Variants in RTN4 observed in about 807,000 individuals in gnomAD.
The protein encoded by RTN4 is reticulon 4, also known as reticulon-4.
A neutral mutation model predicts 90.4 loss-of-function variants in RTN4; 32 were observed. The ratio of observed to expected loss-of-function variants is 0.35; its 90% CI spans 0.27 to 0.48. The LOEUF (loss-of-function observed/expected upper bound fraction) is 0.48, where lower values mean the gene tolerates loss of function less well. RTN4 is among the 20% of genes least tolerant of loss of function. The pLI is 0.99. For synonymous variants in RTN4, 629 were observed against 552.5 expected (o/e 1.14, Z -1.94); for missense variants, 1,706 against 1,430.2 (o/e 1.19, Z -3.11).
intron 5 of RTN4, 64 bp downstream of exon 5, chr2:54,982,451 T>C (rs1251981364): frequency 3.6e-6 from 5 of 1,399,630 alleles, no homozygotes; most frequent in Non-Finnish European, 9.8e-7. Flanking sequence ...AACAGAATTT[T>C]ACACTCAACT....
At chr2:55,096,035 G>A (rs1363613885) in intron 1 of RTN4, among the ~76,000 whole-genome samples, 1 of 152,132 alleles carries the variant, frequency 6.6e-6, no homozygotes, top group African/African-American at 2.4e-5. Context: ...CACCATATAA[G>A]AGCGCATGCT....
At chr2:55,041,076 C>T (rs1198222535) in intron 1 of RTN4, among the ~76,000 whole-genome samples, 3 of 142,854 alleles carry the variant, frequency 2.1e-5, no homozygotes, top group African/African-American at 7.8e-5. Flanking sequence ...TCTTTCTCAA[C>T]ACAATTTTTT....
At chr2:55,064,655 C>G (rs1218542643) in intron 2 of RTN4, among the ~76,000 whole-genome samples, 2 of 152,050 alleles carry the variant, frequency 1.3e-5, no homozygotes, top group African/African-American at 4.8e-5. Context: ...CAGGCCTACA[C>G]AAACATTCTT....
At chr2:55,089,561 G>T (rs1668901079) in intron 1 of RTN4, among the ~76,000 whole-genome samples, 3 of 152,212 alleles carry the variant, frequency 2.0e-5, no homozygotes, top group African/African-American at 4.8e-5. Context: ...CTGTCTCCTT[G>T]TCTGGATGTA....
At chr2:55,089,114 G>T (rs542637611) in intron 1 of RTN4, among the ~76,000 whole-genome samples, 2 of 151,934 alleles carry the variant, frequency 1.3e-5, no homozygotes, top group Non-Finnish European at 2.9e-5. Flanking sequence ...ATAGAGATGG[G>T]GTTTCACCAT....
intron 1 of RTN4, among the ~76,000 whole-genome samples, chr2:55,045,095 C>T (rs753112045): frequency 9.2e-5 from 14 of 151,968 alleles, no homozygotes; most frequent in Non-Finnish European, 2.1e-4. Flanking sequence ...TGCTACTACG[C>T]CAATAAAAAT....
At chr2:54,978,386 G>A (rs112093980) in intron 5 of RTN4, among the ~76,000 whole-genome samples, 1,735 of 136,156 alleles carry the variant, frequency 0.013, 23 homozygotes, top group Middle Eastern at 0.054. Flanking sequence ...GCCTAAGATC[G>A]CACCACCGCC....
chr2:54,985,145 G>A (rs1307048052), intron 4 of RTN4, among the ~76,000 whole-genome samples: 3 of 133,036 alleles, frequency 2.3e-5, no homozygotes, highest in Non-Finnish European at 4.7e-5. Flanking sequence ...ATAATAATAT[G>A]ACTCGGCCTT....
In RTN4 at chr2:55,025,328, A is replaced by C. The variant is rs78408943; in HGVS notation, c.2771T>G (p.Ile924Arg). 9 of 1,613,808 alleles carry C rather than the reference A, an allele frequency of 5.6e-6. No homozygotes were observed. Among genetic ancestry groups the C allele is most frequent in the Admixed American group, 3.3e-5 (2 of 59,952 alleles). The change falls in exon 3 of 9, where the codon ATA becomes AGA. Residue 924 changes from isoleucine (I) to arginine (R), a missense_variant. Physicochemically the swap from Ile to Arg is moderately conservative, Grantham distance 97 (BLOSUM62 -3). Coordinates refer to ENST00000337526, the MANE Select transcript of RTN4 (RefSeq NM_020532.5). ...GATTTTCTCTTCAACTTTGGGTTGT[A>C]TGTTCTTCAAAGAAAGGTCATGGGG... is the stretch of plus-strand genomic sequence containing the variant. ...ELPHDLSLKNIQPKVEEKISF... is the reference protein window; with the variant it reads ...ELPHDLSLKNRQPKVEEKISF...
At position 55,027,225 on chromosome 2, in the gene RTN4, A is replaced by C; in HGVS notation, c.874T>G (p.Phe292Val). ...TLLIDRDLTE[F>V]SELEYSEMGS... ...ATTTCTGAGTATTCTAATTCTGAAAACTCTGTTAAATCTCTATCTATGAGT... is the reference window on the plus strand; with the variant it reads ...ATTTCTGAGTATTCTAATTCTGAAACCTCTGTTAAATCTCTATCTATGAGT... Residue 292 changes from phenylalanine to valine, a missense_variant, in exon 3 of 9, where the codon TTT becomes GTT. Phe to Val is a conservative substitution (Grantham distance 50). Transcript: ENST00000337526. 6.2e-7 allele frequency: 1 copy of C among 1,613,166 alleles called. No homozygotes were observed. Among genetic ancestry groups the C allele is most frequent in the Non-Finnish European group, 8.5e-7 (1 of 1,179,684 alleles).
At chr2:55,036,770 T>A (rs1218089181) in intron 1 of RTN4, among the ~76,000 whole-genome samples, 1 of 152,052 alleles carries the variant, frequency 6.6e-6, no homozygotes, top group Non-Finnish European at 1.5e-5. Context: ...ATAAAAACTA[T>A]CAGCAAACTA....
At chr2:54,978,622 A>G (rs1482521624) in intron 5 of RTN4, among the ~76,000 whole-genome samples, 3 of 152,182 alleles carry the variant, frequency 2.0e-5, no homozygotes, top group African/African-American at 7.2e-5. Context: ...TGTCTTTTCT[A>G]AATGACAAAA....
intron 2 of RTN4, among the ~76,000 whole-genome samples, chr2:55,079,580 T>C (rs1307704952): frequency 1.3e-5 from 2 of 152,084 alleles, no homozygotes; most frequent in Non-Finnish European, 2.9e-5. Context: ...AAACTGAAAA[T>C]CTTCACTTTT....
chr2:54,978,431 CA>C (rs10718270), intron 5 of RTN4, among the ~76,000 whole-genome samples: 14,375 of 80,880 alleles, frequency 0.18, 713 homozygotes, highest in African/African-American at 0.32. Flanking sequence ...ACTCTATCTC[CA>C]AAAAAAAAAA....
At chr2:55,131,119 C>A in the RTN4 span, among the ~76,000 whole-genome samples, 3 of 152,056 alleles carry the variant, frequency 2.0e-5, no homozygotes, top group Non-Finnish European at 4.4e-5. Context: ...ACTCTTTCAC[C>A]CAGGCTAGAG....
At chr2:55,131,260 G>A in the RTN4 span, among the ~76,000 whole-genome samples, 1 of 151,598 alleles carries the variant, frequency 6.6e-6, no homozygotes, top group African/African-American at 2.4e-5. Flanking sequence ...CCAGGCTGGA[G>A]TGCAGTGGTG....
At chr2:55,129,107 C>G in the RTN4 span, among the ~76,000 whole-genome samples, 1 of 112,968 alleles carries the variant, frequency 8.9e-6, no homozygotes, top group African/African-American at 3.5e-5. Context: ...AAGACTCCGT[C>G]TCAAAAAAAA....
intron 3 of RTN4, among the ~76,000 whole-genome samples, chr2:54,989,812 T>C (rs1478283149): frequency 6.6e-6 from 1 of 152,218 alleles, no homozygotes; most frequent in East Asian, 1.9e-4. Flanking sequence ...TCTTGAAGAA[T>C]GAATGCGACC....
At chr2:55,046,923 C>G (rs200545043) in intron 1 of RTN4, 5 of 152,232 alleles carry the variant, frequency 3.3e-5, no homozygotes, top group Admixed American at 3.3e-4. Flanking sequence ...CATTCCAACA[C>G]ACAAGATTCC....
Sources: gnomAD v4.1 joint callset for allele counts (sites outside exome capture counted in the v4.1 genomes callset) on GRCh38, gnomAD v4.1.1 for gene constraint, MANE v1.5 for transcripts, NCBI Gene and HGNC (gene_info 2026-07-23, HGNC 2026-07-21) for gene names.